CELF2: variants seen among roughly 807,000 people sequenced by gnomAD.
CELF2 encodes the protein CUG triplet repeat RNA-binding protein 2.
In CELF2, 8 loss-of-function variants were observed where a neutral mutation model predicts 62.6. The observed-to-expected ratio is 0.13, with a 90% CI of 0.07 to 0.23. The LOEUF (loss-of-function observed/expected upper bound fraction) is 0.23. CELF2 is among the 10% of genes least tolerant of loss of function. The pLI, the probability that CELF2 is intolerant of heterozygous loss-of-function variation, is 1.00. For missense variants in CELF2, 333 were observed against 671.0 expected (o/e 0.50, Z 5.56); for synonymous variants, 258 against 250.0 (o/e 1.03, Z -0.30).
At chr10:11,283,867 T>G (rs1565756418) in intron 8 of CELF2, among the ~76,000 whole-genome samples, 2 of 148,360 alleles carry the variant, frequency 1.3e-5, no homozygotes, top group Admixed American at 6.7e-5. Context: ...GTGTGGTGGG[T>G]GGATGATGGA....
At position 11,122,519 on chromosome 10, in the gene CELF2, A is replaced by G. The variant is rs2057951336; in HGVS notation, c.75-42967A>G. Among the ~76,000 whole-genome samples, 3 of 152,346 alleles carry G rather than the reference A, an allele frequency of 2.0e-5. No homozygotes were observed. In the East Asian group the frequency reaches 5.8e-4, roughly 29 times the overall value. ...TTTACCCTTCAAACAGTGACTGTAG[A>G]AAGCCACCTATTTGTGTTGATTCAA... is the stretch of plus-strand genomic sequence containing the variant. On this transcript the variant is annotated intron_variant, in intron 1 of 12. Coordinates refer to ENST00000633077, the MANE Select transcript of CELF2 (RefSeq NM_001326342.2).
intron 2 of CELF2, among the ~76,000 whole-genome samples, chr10:10,942,506 A>G (rs2047163050): frequency 1.3e-5 from 2 of 152,224 alleles, no homozygotes; most frequent in African/African-American, 4.8e-5. Flanking sequence ...GGGCCTTTCC[A>G]TAGGGAAGCT....
At chr10:10,680,244 C>T in the CELF2 span, among the ~76,000 whole-genome samples, 5 of 152,114 alleles carry the variant, frequency 3.3e-5, no homozygotes, top group Admixed American at 2.6e-4. Flanking sequence ...CCCAAGACCA[C>T]CCCCACTTCT....
chr10:11,253,110 G>C (rs928144684), intron 4 of CELF2, among the ~76,000 whole-genome samples: 3 of 152,080 alleles, frequency 2.0e-5, no homozygotes, highest in African/African-American at 7.2e-5. Context: ...AAGCTGCTTC[G>C]GTTCTGGGTC....
chr10:11,267,559 T>G lies in CELF2; in HGVS notation c.618+882T>G, dbSNP rs1020307866. Among the ~76,000 whole-genome samples, 5 of 152,258 alleles carry G rather than the reference T, an allele frequency of 3.3e-5. No individual in the cohort carries two copies. The highest frequency in any genetic ancestry group is 4.8e-5 in the African/African-American group (2 of 41,476). On this transcript the variant is annotated intron_variant, in intron 6 of 12. Coordinates refer to ENST00000633077, the MANE Select transcript of CELF2 (RefSeq NM_001326342.2). This position sits in a 1 kb window ranked among gnomAD's most constrained non-coding sequence, Gnocchi z 4.4. ...CTTTTCCGGAGGTGGCCTTGTGGTG[T>G]TATCTGAAGCTGTGTTTTCATATTT...
At chr10:10,598,370 G>A in the CELF2 span, among the ~76,000 whole-genome samples, 1 of 152,130 alleles carries the variant, frequency 6.6e-6, no homozygotes, top group Admixed American at 6.5e-5. Flanking sequence ...TTTTACCACA[G>A]TTCTTCAGGG....
the CELF2 span, among the ~76,000 whole-genome samples, chr10:10,661,109 G>C: frequency 2.0e-5 from 3 of 152,184 alleles, no homozygotes; most frequent in Non-Finnish European, 4.4e-5. Flanking sequence ...AAGTTTTGAT[G>C]AATGCAAATC....
intron 1 of CELF2, among the ~76,000 whole-genome samples, chr10:10,867,235 GCA>G (rs2060446410): frequency 6.6e-6 from 1 of 152,160 alleles, no homozygotes; most frequent in African/African-American, 2.4e-5. Flanking sequence ...GGAAAAAGGT[GCA>G]CAGTGGGCTC....
At position 10,944,488 on chromosome 10, in the gene CELF2, C is replaced by A. The variant is rs56006313; in HGVS notation, c.89+24489C>A. 8.2e-3 allele frequency among the ~76,000 whole-genome samples: 1,250 copies of A among 152,184 alleles called. 13 individuals are homozygous for A. The highest frequency in any genetic ancestry group is 0.011 in the Non-Finnish European group (766 of 68,004). On this transcript the variant is annotated intron_variant, in intron 2 of 13. Transcript: ENST00000636488. ...GGATTTGAAATGAGCTGGAACTGAG[C>A]AAATATAGGAACTTCATTTCATTTA...
the CELF2 span, among the ~76,000 whole-genome samples, chr10:10,689,146 T>C: frequency 1.1e-4 from 17 of 152,168 alleles, no homozygotes; most frequent in African/African-American, 3.9e-4. Context: ...GGGTAACTTA[T>C]GAAGAAGAGA....
chr10:10,842,661 A>AT (rs751658109), intron 1 of CELF2, among the ~76,000 whole-genome samples: 50 of 152,002 alleles, frequency 3.3e-4, no homozygotes, highest in Non-Finnish European at 5.0e-4. Context: ...ATAGTGTATA[A>AT]TTTTTTTACA....
chr10:10,856,395 C>A (rs563619702), intron 1 of CELF2, among the ~76,000 whole-genome samples: 12 of 152,176 alleles, frequency 7.9e-5, no homozygotes, highest in African/African-American at 2.2e-4. Context: ...GTATGAAGAT[C>A]CTCAAATAAA....
At chr10:10,472,694 G>C in the CELF2 span, among the ~76,000 whole-genome samples, 1 of 152,014 alleles carries the variant, frequency 6.6e-6, no homozygotes, top group Non-Finnish European at 1.5e-5. Context: ...GTAATCGTCT[G>C]AGAATTCTTG....
intron 1 of CELF2, among the ~76,000 whole-genome samples, chr10:11,093,029 A>G (rs1017371012): frequency 1.4e-4 from 21 of 152,332 alleles, no homozygotes; most frequent in Admixed American, 1.2e-3. Flanking sequence ...GTGTAATAAT[A>G]GGAGGCTGTA....
At chr10:10,533,143 C>T in the CELF2 span, among the ~76,000 whole-genome samples, 1 of 152,148 alleles carries the variant, frequency 6.6e-6, no homozygotes, top group African/African-American at 2.4e-5. Flanking sequence ...CTGTAAACAC[C>T]TGAAATTAAT....
chr10:10,866,185 C>A (rs181344951), intron 1 of CELF2, among the ~76,000 whole-genome samples: 4 of 152,316 alleles, frequency 2.6e-5, no homozygotes, highest in Non-Finnish European at 5.9e-5. Context: ...GTACTCCTTT[C>A]TTCCATTCCA....
At chr10:10,956,198 T>C (rs1564260055) in intron 2 of CELF2, among the ~76,000 whole-genome samples, 1 of 152,218 alleles carries the variant, frequency 6.6e-6, no homozygotes, top group Non-Finnish European at 1.5e-5. Flanking sequence ...ACTGAGTTAT[T>C]TTCCTTTATT....
chr10:11,022,995 A>G (rs932501474), intron 1 of CELF2, among the ~76,000 whole-genome samples: 7 of 152,216 alleles, frequency 4.6e-5, no homozygotes, highest in African/African-American at 7.2e-5. Context: ...TAAGTCATCA[A>G]TGTTGCTTAT....
At chr10:11,299,563 C>A (rs529328275) in intron 9 of CELF2, among the ~76,000 whole-genome samples, 68 of 152,190 alleles carry the variant, frequency 4.5e-4, no homozygotes, top group Non-Finnish European at 8.2e-4. Context: ...TCTTCAGAGG[C>A]CCGAGCCCGG....
Sources: allele counts gnomAD v4.1 joint callset (sites outside exome capture counted in the v4.1 genomes callset), GRCh38; gene constraint gnomAD v4.1.1; non-coding constraint Gnocchi (gnomAD v3.1); transcripts MANE v1.5; gene names NCBI Gene and HGNC (gene_info 2026-07-23, HGNC 2026-07-21).